CACNA1A: variants seen among roughly 807,000 people sequenced by gnomAD.
CACNA1A encodes calcium voltage-gated channel subunit alpha1 A.
CACNA1A carries 57 observed loss-of-function variants against 262.4 expected under a neutral mutation model. That is an observed-to-expected ratio of 0.22 (90% confidence interval 0.18 to 0.27). The LOEUF is 0.27. CACNA1A is among the 10% of genes least tolerant of loss of function. The probability of loss-of-function intolerance (pLI) is 1.00; values close to 1 mark genes in which losing one functional copy is unlikely to be tolerated. For missense variants in CACNA1A, 2,526 were observed against 3,562.8 expected (o/e 0.71, Z 7.41); for synonymous variants, 1,431 against 1,419.3 (o/e 1.01, Z -0.18).
chr19:13,481,937 T>C (rs573257895), intron 1 of CACNA1A, among the ~76,000 whole-genome samples: 1 of 152,154 alleles, frequency 6.6e-6, no homozygotes, highest in African/African-American at 2.4e-5. Flanking sequence ...ACAGACTGCC[T>C]GCAGAGACCC....
chr19:13,487,332 G>A (rs892312925), intron 1 of CACNA1A, among the ~76,000 whole-genome samples: 1 of 152,160 alleles, frequency 6.6e-6, no homozygotes, highest in African/African-American at 2.4e-5. Flanking sequence ...AGCCCCCAGT[G>A]GGGAGAGGAA....
Position 13,231,581 on chromosome 19 carries a change from C to T in CACNA1A, c.5400+129G>A, listed in dbSNP as rs537431158. The T allele has an allele frequency of 5.3e-4, 494 of 925,606 alleles. 6 individuals carry two copies. In the South Asian group the frequency reaches 8.0e-3, roughly 15 times the overall value. The allele number at this position is 925,606 out of a possible 1,614,324, so 57.3% of individuals were successfully genotyped here. A position where few individuals can be genotyped will look rare whatever the true frequency, so the allele number is the denominator to read the frequency against. On this transcript the variant is annotated intron_variant, in intron 35 of 46. Transcript: ENST00000360228. ...TGAGACGCTCAGGGTCACCTGATCC[C>T]AGGCTGGTTCAGAGAAGCCTTGGAG...
At chr19:13,444,737 T>C (rs988753871) in intron 3 of CACNA1A, among the ~76,000 whole-genome samples, 1 of 152,128 alleles carries the variant, frequency 6.6e-6, no homozygotes, top group Non-Finnish European at 1.5e-5. Context: ...TGAAGACACC[T>C]TCTTATTCTA....
chr19:13,371,388 C>G (rs938169232), intron 4 of CACNA1A: 2 of 289,218 alleles, frequency 6.9e-6, no homozygotes, highest in African/African-American at 4.3e-5. Context: ...ATAGAGACAT[C>G]AGTCCTATCA....
At chr19:13,386,207 G>C (rs2059610357) in intron 3 of CACNA1A, among the ~76,000 whole-genome samples, 1 of 150,904 alleles carries the variant, frequency 6.6e-6, no homozygotes, top group African/African-American at 2.4e-5. Flanking sequence ...CCATCCAAGA[G>C]CCACCACCAC....
rs189978332 is a variant in CACNA1A at position 13,341,978 on chromosome 19, C to T, written c.979-6069G>A. ...TGAATGACTGATTGAGAGGTGTGTC[C>T]AAGTTCCCTGCATAGCTCAGATCGT... is the stretch of plus-strand genomic sequence containing the variant. On this transcript the variant is annotated intron_variant, in intron 6 of 46. Coordinates refer to ENST00000360228, the MANE Select transcript of CACNA1A (RefSeq NM_001127222.2). 1.7e-3 allele frequency among the ~76,000 whole-genome samples: 259 copies of T among 152,210 alleles called. 1 individual carries two copies. The highest frequency in any genetic ancestry group is 6.0e-3 in the African/African-American group (249 of 41,516).
At chr19:13,491,216 A>G (rs1227461001) in intron 1 of CACNA1A, among the ~76,000 whole-genome samples, 3 of 152,096 alleles carry the variant, frequency 2.0e-5, no homozygotes, top group Non-Finnish European at 4.4e-5. Context: ...CATTTGCTAG[A>G]TGTGTGACCT....
Position 13,207,953 on chromosome 19 carries a change from C to T in CACNA1A, c.6881G>A (p.Arg2294Gln). ...RQLPQTPSTPRPHVSYSPVIR... is the reference protein window; with the variant it reads ...RQLPQTPSTPQPHVSYSPVIR... ...CACAGGGGAATAGGACACGTGTGGC[C>T]GGGGGGTGGAGGGGGTCTGGGGGAG... is the stretch of plus-strand genomic sequence containing the variant. The change falls in exon 47 of 47, where the codon CGG becomes CAG. Residue 2294 changes from arginine to glutamine, a missense_variant. By Grantham distance (43) the Arg-to-Gln change is conservative. Transcript: ENST00000360228. This position sits in a 1 kb window ranked among gnomAD's most constrained non-coding sequence, Gnocchi z 5.7. The T allele has an allele frequency of 1.7e-6, 1 of 577,652 alleles. No homozygotes were observed. The highest frequency in any genetic ancestry group is 2.4e-6 in the Non-Finnish European group (1 of 423,292). The allele number at this position is 577,652 out of a possible 1,614,324, so 35.8% of individuals were successfully genotyped here.
At position 13,208,012 on chromosome 19, in the gene CACNA1A, A is replaced by G. The variant is rs2054632435; in HGVS notation, c.6822T>C (p.Ser2274=). 5 of 1,319,878 alleles carry G rather than the reference A, an allele frequency of 3.8e-6. No individual in the cohort carries two copies. The highest frequency in any genetic ancestry group is 4.8e-6 in the Non-Finnish European group (5 of 1,039,378). 81.8% of individuals were successfully genotyped at this position (1,319,878 alleles called of 1,614,324 possible). A position where few individuals can be genotyped will look rare whatever the true frequency, so the allele number is the denominator to read the frequency against. ...SVSGSPAPST[S]GTSTPRRGRR... ...GGCCCCGCCGCGGAGTGCTGGTACC[A>G]GATGTTGAGGGGGCTGGGCTTCCAC... Residue 2274 remains serine (S), a synonymous_variant, in exon 47 of 47, where the codon TCT becomes TCC. Coordinates refer to ENST00000360228, the MANE Select transcript of CACNA1A (RefSeq NM_001127222.2).
intron 3 of CACNA1A, among the ~76,000 whole-genome samples, chr19:13,417,096 C>G (rs576618413): frequency 1.3e-5 from 2 of 152,136 alleles, no homozygotes; most frequent in Admixed American, 6.5e-5. Context: ...CCAGAGAGAC[C>G]GTCACCCTCT....
chr19:13,270,275 G>A (rs867332555), intron 24 of CACNA1A, among the ~76,000 whole-genome samples: 1 of 152,074 alleles, frequency 6.6e-6, no homozygotes, highest in Middle Eastern at 3.2e-3. Flanking sequence ...AGACCTGGAG[G>A]GACAATTTCT....
chr19:13,311,553 G>A (rs2058033489), intron 12 of CACNA1A, among the ~76,000 whole-genome samples: 1 of 152,148 alleles, frequency 6.6e-6, no homozygotes, highest in South Asian at 2.1e-4. Context: ...AAATTATTAA[G>A]CTGGCTGGGT....
chr19:13,228,867 A>C, intron 36 of CACNA1A: 40 of 781,638 alleles, frequency 5.1e-5, no homozygotes, highest in Non-Finnish European at 7.3e-5. Context: ...CAGCGAGGTC[A>C]TGATGCCCGA....
intron 31 of CACNA1A, among the ~76,000 whole-genome samples, chr19:13,238,058 G>GA (rs750389929): frequency 4.7e-4 from 71 of 152,312 alleles, no homozygotes; most frequent in Non-Finnish European, 1.9e-4. Context: ...CCAAGTGGGG[G>GA]AGGAGACACA....
chr19:13,321,564 A>G (rs925549762), intron 10 of CACNA1A, among the ~76,000 whole-genome samples: 1 of 152,156 alleles, frequency 6.6e-6, no homozygotes, highest in African/African-American at 2.4e-5. Flanking sequence ...CCTACTCCAC[A>G]CCCAGGCTAC....
intron 15 of CACNA1A, among the ~76,000 whole-genome samples, chr19:13,306,046 C>T (rs866364863): frequency 5.1e-5 from 7 of 136,638 alleles, no homozygotes; most frequent in African/African-American, 5.7e-5. Flanking sequence ...GGCAACAGAG[C>T]GAGACTCCAT....
intron 1 of CACNA1A, among the ~76,000 whole-genome samples, chr19:13,495,446 GCCA>G (rs992089184): frequency 2.1e-4 from 32 of 152,106 alleles, no homozygotes; most frequent in African/African-American, 7.5e-4. Flanking sequence ...ACAGGTGCCC[GCCA>G]CCACGCCTGG....
At chr19:13,221,562 G>T (rs2055233484) in intron 38 of CACNA1A, among the ~76,000 whole-genome samples, 1 of 151,816 alleles carries the variant, frequency 6.6e-6, no homozygotes, top group African/African-American at 2.4e-5. Flanking sequence ...CTGTCTCTCT[G>T]CCCTGCTGTC....
intron 3 of CACNA1A, among the ~76,000 whole-genome samples, chr19:13,438,322 GC>G (rs1317221587): frequency 6.6e-6 from 1 of 152,262 alleles, no homozygotes; most frequent in African/African-American, 2.4e-5. Context: ...ATCTGGACCA[GC>G]TTCATTGCTT....
Sources: gnomAD v4.1 joint callset for allele counts (sites outside exome capture counted in the v4.1 genomes callset) on GRCh38, gnomAD v4.1.1 for gene constraint, Gnocchi (gnomAD v3.1) non-coding constraint, MANE v1.5 for transcripts, NCBI Gene and HGNC (gene_info 2026-07-23, HGNC 2026-07-21) for gene names.